The following IGSF11 variants were observed in gnomAD, a reference collection of about 807,000 sequenced individuals.
IGSF11 encodes the protein immunoglobulin superfamily member 11.
A neutral mutation model predicts 41.0 loss-of-function variants in IGSF11; 22 were observed. That is an observed-to-expected ratio of 0.54 (90% CI 0.38 to 0.77). IGSF11 has a LOEUF of 0.77. IGSF11 is among the 30% of genes least tolerant of loss of function. IGSF11 has a pLI of 0.00. For missense variants in IGSF11, 444 were observed against 530.8 expected (o/e 0.84, Z 1.61); for synonymous variants, 219 against 201.3 (o/e 1.09, Z -0.74).
chr3:119,047,464 G>A (rs1439348827), intron 1 of IGSF11, among the ~76,000 whole-genome samples: 1 of 152,122 alleles, frequency 6.6e-6, no homozygotes, highest in Non-Finnish European at 1.5e-5. Flanking sequence ...AAATATATAT[G>A]CACCCAATAC....
At chr3:119,033,746 T>G (rs1256204408) in intron 1 of IGSF11, among the ~76,000 whole-genome samples, 1 of 152,160 alleles carries the variant, frequency 6.6e-6, no homozygotes, top group Non-Finnish European at 1.5e-5. Context: ...AAAACTGGAT[T>G]CCACAGGAGA....
At chr3:119,105,170 A>G in exon 1 of IGSF11, 3 of 1,609,794 alleles carry the variant, frequency 1.9e-6, no homozygotes, top group Non-Finnish European at 2.5e-6. Flanking sequence ...GTTCCACCAG[A>G]GCAAAAGTTC....
upstream of IGSF11, among the ~76,000 whole-genome samples, chr3:119,039,790 C>T (rs982789921): frequency 6.6e-6 from 1 of 152,180 alleles, no homozygotes; most frequent in African/African-American, 2.4e-5. Context: ...CCTTTCACTT[C>T]TTAAGATCTT....
At chr3:119,109,197 C>T (rs1305576139), upstream of IGSF11, among the ~76,000 whole-genome samples, 4 of 143,852 alleles carry the variant, frequency 2.8e-5, no homozygotes, top group Admixed American at 1.4e-4. Context: ...TGGTAGAATT[C>T]GGCTGTGAAT....
chr3:119,142,320 A>G (rs926820274), intron 1 of IGSF11, among the ~76,000 whole-genome samples: 4 of 151,520 alleles, frequency 2.6e-5, no homozygotes, highest in African/African-American at 9.7e-5. Context: ...TTGGACATCC[A>G]GAAAAGCACA....
intron 1 of IGSF11, among the ~76,000 whole-genome samples, chr3:119,013,608 T>G (rs1458354214): frequency 6.6e-6 from 1 of 152,242 alleles, no homozygotes; most frequent in African/African-American, 2.4e-5. Context: ...CTAATAAATG[T>G]GGGCCAGGCA....
chr3:119,105,057 T>A, intron 1 of IGSF11: 1 of 781,068 alleles, frequency 1.3e-6, no homozygotes, highest in Non-Finnish European at 2.2e-6. Context: ...TAGAAGTTAG[T>A]ATCACAAAAA....
At chr3:119,140,827 T>C (rs2094729083) in intron 1 of IGSF11, among the ~76,000 whole-genome samples, 1 of 149,818 alleles carries the variant, frequency 6.7e-6, no homozygotes, top group African/African-American at 2.5e-5. Context: ...GTGGATCACC[T>C]GAGGTCAGGA....
intron 1 of IGSF11, among the ~76,000 whole-genome samples, chr3:118,953,985 G>A (rs539551969): frequency 3.3e-5 from 5 of 152,220 alleles, no homozygotes; most frequent in East Asian, 1.9e-4. Context: ...CTAAGCCAAC[G>A]TCTAGAAAGG....
At chr3:119,016,456 A>G (rs1445341549) in intron 1 of IGSF11, among the ~76,000 whole-genome samples, 1 of 152,206 alleles carries the variant, frequency 6.6e-6, no homozygotes, top group African/African-American at 2.4e-5. Flanking sequence ...GGAAAAGCCA[A>G]TTTTCACCAG....
chr3:119,113,835 C>A (rs573195600), intron 1 of IGSF11, among the ~76,000 whole-genome samples: 1 of 152,372 alleles, frequency 6.6e-6, no homozygotes, highest in South Asian at 2.1e-4. Flanking sequence ...CAGCAGACTT[C>A]TGTCTGGATA....
intron 1 of IGSF11, among the ~76,000 whole-genome samples, chr3:119,045,792 G>A (rs1668270694): frequency 1.3e-5 from 2 of 151,914 alleles, no homozygotes; most frequent in Admixed American, 6.6e-5. Flanking sequence ...CGCAGCTGGA[G>A]ATCTGAGAAC....
At chr3:119,084,985 C>A (rs1401507908) in intron 1 of IGSF11, among the ~76,000 whole-genome samples, 2 of 148,526 alleles carry the variant, frequency 1.3e-5, no homozygotes, top group African/African-American at 4.8e-5. Context: ...AGGTATGCCT[C>A]CTTCCACAGG....
At position 119,138,659 on chromosome 3, in the gene IGSF11, T is replaced by C. The variant is rs570386955; in HGVS notation, c.-14+7154A>G. The stretch of plus-strand genomic sequence containing the variant: ...GAGATTGTTCCACTGCACTACAGCC[T>C]GGGCAACATAGCAAGACTCTGTCTC... On this transcript the variant is annotated intron_variant, in intron 1 of 7. Coordinates refer to the IGSF11 transcript ENST00000425327. Among the ~76,000 whole-genome samples, 24 of 152,240 alleles carry C rather than the reference T, an allele frequency of 1.6e-4. 1 individual carries two copies. In the South Asian group the frequency reaches 4.8e-3, roughly 30 times the overall value.
chr3:119,134,553 T>C (rs926261394), intron 1 of IGSF11, among the ~76,000 whole-genome samples: 20 of 151,802 alleles, frequency 1.3e-4, no homozygotes, highest in African/African-American at 3.6e-4. Context: ...CACTGCTCAA[T>C]GAAATAAAAG....
intron 1 of IGSF11, among the ~76,000 whole-genome samples, chr3:118,948,966 C>T (rs1944372987): frequency 1.5e-5 from 2 of 130,220 alleles, no homozygotes; most frequent in Admixed American, 7.3e-5. Context: ...AGCGAGACTC[C>T]GTCTCAAAAA....
chr3:118,998,171 T>C (rs551660220), intron 1 of IGSF11, among the ~76,000 whole-genome samples: 1 of 152,314 alleles, frequency 6.6e-6, no homozygotes, highest in Admixed American at 6.5e-5. Flanking sequence ...AAGTGTCAGA[T>C]GAGTTGGCTT....
intron 1 of IGSF11, among the ~76,000 whole-genome samples, chr3:119,122,054 A>T (rs569653930): frequency 6.6e-6 from 1 of 152,272 alleles, no homozygotes; most frequent in South Asian, 2.1e-4. Flanking sequence ...CAAATTTAAC[A>T]AGTATCTACA....
intron 1 of IGSF11, among the ~76,000 whole-genome samples, chr3:118,946,191 TAC>T (rs1261368316): frequency 6.8e-6 from 1 of 147,034 alleles, no homozygotes. Flanking sequence ...AACCATTGGC[TAC>T]ACACACACAC....
Sources: allele counts gnomAD v4.1 joint callset (sites outside exome capture counted in the v4.1 genomes callset), GRCh38; gene constraint gnomAD v4.1.1; transcripts MANE v1.5; gene names NCBI Gene and HGNC (gene_info 2026-07-23, HGNC 2026-07-21).